The following STIMATE variants were observed in gnomAD, a reference collection of about 807,000 sequenced individuals.
STIMATE encodes STIM activating enhancer.
STIMATE carries 15 observed loss-of-function variants against 36.7 expected under a neutral mutation model. The ratio of observed to expected loss-of-function variants is 0.41; its 90% CI spans 0.27 to 0.63. STIMATE has a LOEUF of 0.63. Ranked by LOEUF, STIMATE falls within the 20% of genes least tolerant of loss-of-function variation. STIMATE has a pLI of 0.32. For missense variants in STIMATE, 305 were observed against 397.3 expected, an observed-to-expected ratio of 0.77 and a Z score of 1.98; for synonymous variants, 163 against 162.3, an observed-to-expected ratio of 1.00 and a Z score of -0.03.
chr3:52,885,736 T>C (rs1213121690), intron 1 of STIMATE, among the ~76,000 whole-genome samples: 1 of 152,232 alleles, frequency 6.6e-6, no homozygotes, highest in African/African-American at 2.4e-5. Context: ...CCTCCTCAGA[T>C]GTGTCTTCTC....
intron 7 of STIMATE, among the ~76,000 whole-genome samples, chr3:52,840,966 A>G (rs1700787926): frequency 6.6e-6 from 1 of 152,118 alleles, no homozygotes; most frequent in Admixed American, 6.5e-5. Context: ...TCGGACTCCC[A>G]AAGTGCTGGG....
intron 1 of STIMATE, among the ~76,000 whole-genome samples, chr3:52,888,387 T>C (rs1701728093): frequency 2.0e-5 from 3 of 152,158 alleles, no homozygotes; most frequent in African/African-American, 7.2e-5. Flanking sequence ...ATAAACTGAG[T>C]GCAGAGAGCC....
At chr3:52,880,908 G>A (rs1701591970) in intron 1 of STIMATE, among the ~76,000 whole-genome samples, 1 of 152,218 alleles carries the variant, frequency 6.6e-6, no homozygotes, top group Non-Finnish European at 1.5e-5. Flanking sequence ...AAGCAGTAAA[G>A]CCAGGTGCGG....
chr3:52,844,196 C>A (rs776782596), intron 5 of STIMATE, among the ~76,000 whole-genome samples: 3 of 152,212 alleles, frequency 2.0e-5, no homozygotes, highest in Non-Finnish European at 2.9e-5. Flanking sequence ...AAATCCCACA[C>A]CTCAACCACC....
chr3:52,897,492 C>G lies in STIMATE; in HGVS notation c.-42G>C. 4 of 1,208,122 alleles carry G rather than the reference C, an allele frequency of 3.3e-6. No homozygotes were observed. The highest frequency in any genetic ancestry group is 3.1e-6 in the Non-Finnish European group (3 of 973,684). The allele number at this position is 1,208,122 out of a possible 1,614,324, so 74.8% of individuals were successfully genotyped here. A position where few individuals can be genotyped will look rare whatever the true frequency, so the allele number is the denominator to read the frequency against. On this transcript the variant is annotated 5_prime_UTR_variant, in exon 1 of 8. Coordinates refer to ENST00000355083, the MANE Select transcript of STIMATE (RefSeq NM_198563.5). ...GGGGCGCGAGGGCCCAGGGCCCGCC[C>G]GGCCTCGCTGCCTGCCGGCGCAGCG...
rs1479568611 is a variant in STIMATE at position 52,844,894 on chromosome 3, T to G, written c.475A>C (p.Ile159Leu). The G allele has an allele frequency of 6.2e-7, 1 of 1,613,940 alleles. No individual in the cohort carries two copies. Among genetic ancestry groups the G allele is most frequent in the South Asian group, 1.1e-5 (1 of 91,078 alleles). Residue 159 changes from isoleucine to leucine, a missense_variant, in exon 5 of 8, where the codon ATC (isoleucine) becomes CTC (leucine). By Grantham distance (5) the Ile-to-Leu change is conservative (BLOSUM62 2). Around this residue, in one of 3 missense-constraint regions of STIMATE, gnomAD observed 164 missense variants for 257.9 expected, o/e 0.64. Transcript: ENST00000355083. ...GACTTTTCAAAAATCATGATCACGATGTAAAGAGCGCACTGCCCGACCCAG... is the reference window on the plus strand; with the variant it reads ...GACTTTTCAAAAATCATGATCACGAGGTAAAGAGCGCACTGCCCGACCCAG... ...GAWVGQCALYIVIMIFEKSVV... is the reference protein window; with the variant it reads ...GAWVGQCALYLVIMIFEKSVV...
intron 1 of STIMATE, among the ~76,000 whole-genome samples, chr3:52,895,650 G>A (rs2106742244): frequency 6.6e-6 from 1 of 152,318 alleles, no homozygotes; most frequent in East Asian, 1.9e-4. Context: ...TCAGCTGTGA[G>A]CAACTCTGCC....
chr3:52,862,432 G>C (rs1701234329), intron 1 of STIMATE, among the ~76,000 whole-genome samples: 1 of 152,216 alleles, frequency 6.6e-6, no homozygotes, highest in Admixed American at 6.5e-5. Context: ...GGACAATACA[G>C]ACATGGTCCT....
chr3:52,882,921 C>A (rs1412374091), intron 1 of STIMATE, among the ~76,000 whole-genome samples: 2 of 152,308 alleles, frequency 1.3e-5, no homozygotes, highest in African/African-American at 4.8e-5. Context: ...GATTTCCCAG[C>A]ATGGCTTCTA....
chr3:52,857,073 G>C (rs1396962328), intron 1 of STIMATE, among the ~76,000 whole-genome samples: 1 of 152,216 alleles, frequency 6.6e-6, no homozygotes, highest in Non-Finnish European at 1.5e-5. Context: ...CTGCCAGCGA[G>C]GGTGCAGGAG....
intron 1 of STIMATE, among the ~76,000 whole-genome samples, chr3:52,895,220 G>A (rs184640749): frequency 2.0e-5 from 3 of 152,324 alleles, no homozygotes; most frequent in African/African-American, 7.2e-5. Flanking sequence ...ATTTCAACAG[G>A]ACCAAGAAAT....
At chr3:52,865,385 C>T (rs1701288066) in intron 1 of STIMATE, among the ~76,000 whole-genome samples, 1 of 152,198 alleles carries the variant, frequency 6.6e-6, no homozygotes, top group African/African-American at 2.4e-5. Context: ...AGCAATGCCC[C>T]ACTCTACTGG....
rs766643475 is a variant in STIMATE at position 52,897,352 on chromosome 3, C to T, written c.99G>A (p.Met33Ile). ...GAGRCESGAL[M>I]HSFGIFLQGL... Reference sequence around the variant, plus strand: ...CCTGCAGGAAGATGCCGAAGCTGTGCATGAGCGCGCCGCTCTCGCAGCGGC... The same window carrying T: ...CCTGCAGGAAGATGCCGAAGCTGTGTATGAGCGCGCCGCTCTCGCAGCGGC... The change falls in exon 1 of 8, where the codon ATG becomes ATA. Residue 33 changes from methionine to isoleucine, a missense_variant. Physicochemically the swap from Met to Ile is conservative, Grantham distance 10. Transcript: ENST00000355083. The T allele has an allele frequency of 6.5e-7, 1 of 1,529,906 alleles. No individual in the cohort carries two copies. Among genetic ancestry groups the T allele is most frequent in the Non-Finnish European group, 8.7e-7 (1 of 1,146,042 alleles). 94.8% of individuals were successfully genotyped at this position (1,529,906 alleles called of 1,614,324 possible). A position where few individuals can be genotyped will look rare whatever the true frequency, so the allele number is the denominator to read the frequency against.
At chr3:52,846,613 T>A (rs1269530459) in intron 4 of STIMATE, 2 of 152,200 alleles carry the variant, frequency 1.3e-5, no homozygotes, top group African/African-American at 4.8e-5. Flanking sequence ...ACGCCTCACA[T>A]TGCCCCAGTG....
At chr3:52,882,660 A>C (rs75791855) in intron 1 of STIMATE, among the ~76,000 whole-genome samples, 2,053 of 152,280 alleles carry the variant, frequency 0.013, 48 homozygotes, top group African/African-American at 0.047. Context: ...CCCCGAAAGG[A>C]AATTTCCTTT....
At position 52,839,673 on chromosome 3, in the gene STIMATE, A is replaced by T. The variant is rs1026651435; in HGVS notation, c.*821T>A. ...ACCATTGGGTTTGCTGATTCTAGAG[A>T]AGGGCCATCCTCCTTCCCTCCCCAT... On this transcript the variant is annotated 3_prime_UTR_variant, in exon 8 of 8. Transcript: ENST00000355083. The T allele has an allele frequency of 6.6e-6, 1 of 152,096 alleles. No homozygotes were observed. The highest frequency in any genetic ancestry group is 1.5e-5 in the Non-Finnish European group (1 of 68,016). 9.4% of individuals were successfully genotyped at this position (152,096 alleles called of 1,614,324 possible). A position where few individuals can be genotyped will look rare whatever the true frequency, so the allele number is the denominator to read the frequency against.
At position 52,897,274 on chromosome 3, in the gene STIMATE, G is replaced by T. The variant is rs763625618; in HGVS notation, c.160+17C>A. On this transcript the variant is annotated intron_variant, in intron 1 of 7. Coordinates refer to ENST00000355083, the MANE Select transcript of STIMATE (RefSeq NM_198563.5). ...GCCGCGCAGGGCCTCCGGAGGGTCG[G>T]GGGGTCCCAGACTCACGCATTAACG... 5 of 1,539,140 alleles carry T rather than the reference G, an allele frequency of 3.2e-6. No individual in the cohort carries two copies. The highest frequency in any genetic ancestry group is 4.4e-6 in the Non-Finnish European group (5 of 1,149,134).
chr3:52,859,531 A>AAAAT (rs748928249), intron 1 of STIMATE, among the ~76,000 whole-genome samples: 2 of 18,828 alleles, frequency 1.1e-4, no homozygotes, highest in African/African-American at 1.3e-4. Flanking sequence ...AAAAAAAAAA[A>AAAAT]TTTTTTTTTT....
At chr3:52,851,792 A>C (rs1701004177) in intron 3 of STIMATE, among the ~76,000 whole-genome samples, 1 of 150,830 alleles carries the variant, frequency 6.6e-6, no homozygotes, top group South Asian at 2.1e-4. Context: ...ATAAAGAGAG[A>C]AAGTTCTATG....
Sources: gnomAD v4.1 joint callset for allele counts (sites outside exome capture counted in the v4.1 genomes callset) on GRCh38, gnomAD v4.1.1 for gene constraint, gnomAD v4.1.1 regional missense constraint, MANE v1.5 for transcripts, NCBI Gene and HGNC (gene_info 2026-07-23, HGNC 2026-07-21) for gene names.